The following MIS18BP1 variants were observed in gnomAD, a reference collection of about 807,000 sequenced individuals.
MIS18BP1 encodes MIS18 binding protein 1.
A neutral mutation model predicts 116.1 loss-of-function variants in MIS18BP1; 72 were observed. That is an observed-to-expected ratio of 0.62 (90% CI 0.51 to 0.75). The LOEUF (loss-of-function observed/expected upper bound fraction) is 0.75. Among genes scored for constraint, MIS18BP1 ranks in the 30% least tolerant of loss-of-function variants. MIS18BP1 has a pLI of 0.00. For missense variants in MIS18BP1, 1,363 were observed against 1,303.2 expected (o/e 1.05, Z -0.71); for synonymous variants, 386 against 427.0 (o/e 0.90, Z 1.18).
intron 3 of MIS18BP1, 105 bp from the exon 4 acceptor site, chr14:45,242,623 C>T: frequency 6.8e-7 from 1 of 1,472,978 alleles, no homozygotes; most frequent in Non-Finnish European, 9.0e-7. Flanking sequence ...CCTGCCCAGT[C>T]TTTCTCTGAG....
At chr14:45,220,443 G>A (rs1310002717) in intron 11 of MIS18BP1, among the ~76,000 whole-genome samples, 1 of 152,126 alleles carries the variant, frequency 6.6e-6, no homozygotes, top group Non-Finnish European at 1.5e-5. Context: ...CCTAGGGGGA[G>A]GTGATTGGTT....
intron 16 of MIS18BP1, 68 bp from the exon 17 acceptor site, chr14:45,204,280 C>G (rs1423573477): frequency 5.2e-6 from 8 of 1,539,336 alleles, no homozygotes; most frequent in Non-Finnish European, 7.0e-6. Context: ...CTGAAAACAA[C>G]TATAAGGAAT....
chr14:45,212,811 G>A (rs997849546), intron 13 of MIS18BP1, among the ~76,000 whole-genome samples: 1 of 152,170 alleles, frequency 6.6e-6, no homozygotes, highest in Non-Finnish European at 1.5e-5. Flanking sequence ...CATGCAGACA[G>A]CCCGCCCCAA....
At chr14:45,225,323 C>T (rs1196646563) in intron 10 of MIS18BP1, among the ~76,000 whole-genome samples, 1 of 152,050 alleles carries the variant, frequency 6.6e-6, no homozygotes, top group Non-Finnish European at 1.5e-5. Flanking sequence ...TATAATTGCA[C>T]ACTTGTCTTT....
chr14:45,220,431 G>A (rs556469724), intron 11 of MIS18BP1, among the ~76,000 whole-genome samples: 24 of 152,256 alleles, frequency 1.6e-4, no homozygotes, highest in African/African-American at 5.8e-4. Flanking sequence ...TTGGAAGTGG[G>A]GCCTAGGGGG....
In MIS18BP1 at chr14:45,249,803, G is replaced by A. The variant is rs544301881; in HGVS notation, c.-91-2426C>T. On this transcript the variant is annotated intron_variant, in intron 1 of 16. Transcript: ENST00000310806. ...GGAGAATCACTTGAACCTGGGAGGCGGAGGTTGCAGTGAGCTGAGATCGCA... is the reference window on the plus strand; with the variant it reads ...GGAGAATCACTTGAACCTGGGAGGCAGAGGTTGCAGTGAGCTGAGATCGCA... 2.0e-5 allele frequency among the ~76,000 whole-genome samples: 3 copies of A among 152,214 alleles called. No individual in the cohort carries two copies. The South Asian group carries it at 6.2e-4, about 32-fold the overall frequency.
In MIS18BP1 at chr14:45,246,878, A is replaced by G; in HGVS notation, c.409T>C (p.Leu137=). 3 of 1,612,640 alleles carry G rather than the reference A, an allele frequency of 1.9e-6. No homozygotes were observed. Among genetic ancestry groups the G allele is most frequent in the African/African-American group, 2.7e-5 (2 of 74,892 alleles). ...TTATTTCCACTTTTCTGTGGTTCCA[A>G]CAAACTACTGTTTCTTGATGGCTGT... ...QEQPSRNSSL[L]EPQKSGNNET... Residue 137 remains leucine (L), a synonymous_variant, in exon 2 of 17, where the codon TTG becomes CTG. Coordinates refer to ENST00000310806, the MANE Select transcript of MIS18BP1 (RefSeq NM_018353.5).
intron 3 of MIS18BP1, 117 bp from the exon 4 acceptor site, chr14:45,242,635 G>GTC: frequency 6.8e-7 from 1 of 1,460,026 alleles, no homozygotes; most frequent in Non-Finnish European, 9.1e-7. Flanking sequence ...TTCTCTGAGT[G>GTC]TCTCTTTTAC....
intron 11 of MIS18BP1, among the ~76,000 whole-genome samples, chr14:45,222,119 A>G (rs1421106361): frequency 6.6e-6 from 1 of 152,160 alleles, no homozygotes; most frequent in African/African-American, 2.4e-5. Flanking sequence ...TAACCTACCT[A>G]TATCATTATA....
intron 1 of MIS18BP1, among the ~76,000 whole-genome samples, chr14:45,249,276 G>C (rs568348034): frequency 6.6e-6 from 1 of 152,230 alleles, no homozygotes; most frequent in African/African-American, 2.4e-5. Context: ...ATTTTTAGTA[G>C]AGACGGGGTT....
chr14:45,251,765 G>A (rs1891880779), intron 1 of MIS18BP1, among the ~76,000 whole-genome samples: 1 of 152,086 alleles, frequency 6.6e-6, no homozygotes, highest in Non-Finnish European at 1.5e-5. Context: ...GAATACAAAA[G>A]GCCAATAAAC....
At position 45,224,512 on chromosome 14, in the gene MIS18BP1, AT is replaced by A; in HGVS notation, c.2074del (p.Ile692SerfsTer8). On this transcript the variant is annotated frameshift_variant, in exon 11 of 17. Transcript: ENST00000310806. LOFTEE classifies it high-confidence loss of function. The stretch of plus-strand genomic sequence containing the variant: ...TTCTAAAGTCCCCATGGACTTGCTG[AT>A]GGGACTTTTTTTTTGACACTCTGGT... ...VIPECQKKSP[I>X]SKSMGTLENT... The A allele has an allele frequency of 6.2e-7, 1 of 1,611,726 alleles. No individual in the cohort carries two copies. The highest frequency in any genetic ancestry group is 8.5e-7 in the Non-Finnish European group (1 of 1,179,398).
intron 4 of MIS18BP1, among the ~76,000 whole-genome samples, chr14:45,238,352 C>CTTTT (rs1431212178): frequency 6.6e-6 from 1 of 152,074 alleles, no homozygotes; most frequent in Non-Finnish European, 1.5e-5. Context: ...GATTGAACTA[C>CTTTT]TTCTGATGAG....
chr14:45,209,283 A>G (rs374844351), intron 14 of MIS18BP1, among the ~76,000 whole-genome samples: 1 of 152,098 alleles, frequency 6.6e-6, no homozygotes, highest in Non-Finnish European at 1.5e-5. Flanking sequence ...TTCATTTAAT[A>G]TATCTTAGGC....
intron 14 of MIS18BP1, among the ~76,000 whole-genome samples, chr14:45,207,888 A>G (rs1890563387): frequency 6.6e-6 from 1 of 152,216 alleles, no homozygotes; most frequent in Non-Finnish European, 1.5e-5. Flanking sequence ...ATAGATTCAT[A>G]ACATAAGTGA....
chr14:45,249,534 T>C (rs1891812438), intron 1 of MIS18BP1, among the ~76,000 whole-genome samples: 1 of 152,118 alleles, frequency 6.6e-6, no homozygotes, highest in East Asian at 1.9e-4. Context: ...GCTGTTCATT[T>C]CAAAGAAAGG....
At chr14:45,208,330 G>GTTTTTT (rs1166566812) in intron 14 of MIS18BP1, among the ~76,000 whole-genome samples, 2 of 120,940 alleles carry the variant, frequency 1.7e-5, no homozygotes, top group Non-Finnish European at 1.7e-5. Flanking sequence ...GGATGAAGTT[G>GTTTTTT]TTTTTTTTTT....
Position 45,242,137 on chromosome 14 carries a change from G to C in MIS18BP1, c.1040C>G (p.Pro347Arg), listed in dbSNP as rs34168608. Residue 347 changes from proline (P) to arginine (R), a missense_variant, in exon 4 of 17, where the codon CCA (proline) becomes CGA (arginine). Transcript: ENST00000310806. ...CCGAGGTATTGTTATATGAAGTCTT[G>C]GTGTTGCAAGTACAATTTTACATGT... ...KDTCKIVLATPRLHITIPRRS... is the reference protein window; with the variant it reads ...KDTCKIVLATRRLHITIPRRS... The C allele has an allele frequency of 0.011, 17,264 of 1,613,898 alleles. 118 individuals are homozygous for C. Among genetic ancestry groups the C allele is most frequent in the Middle Eastern group, 0.015 (89 of 6,058 alleles).
In MIS18BP1 at chr14:45,246,769, A is replaced by C. The variant is rs746640929; in HGVS notation, c.518T>G (p.Phe173Cys). 1 of 1,573,914 alleles carries C rather than the reference A, an allele frequency of 6.4e-7. No homozygotes were observed. The highest frequency in any genetic ancestry group is 1.2e-5 in the South Asian group (1 of 83,338). ...TCTTAGTGAACTGTCATCTGACTGG[A>C]ATGATTTGTTGTTTTCCTTTTCTTC... is the stretch of plus-strand genomic sequence containing the variant. ...LCEEKENNKSFQSDDSSLRAS... is the reference protein window; with the variant it reads ...LCEEKENNKSCQSDDSSLRAS... Residue 173 changes from phenylalanine (F) to cysteine (C), a missense_variant, in exon 2 of 17, where the codon TTC becomes TGC. By Grantham distance (205) the Phe-to-Cys change is radical. Coordinates refer to ENST00000310806, the MANE Select transcript of MIS18BP1 (RefSeq NM_018353.5).
Sources: allele counts gnomAD v4.1 joint callset (sites outside exome capture counted in the v4.1 genomes callset), GRCh38; gene constraint gnomAD v4.1.1; transcripts MANE v1.5; gene names NCBI Gene and HGNC (gene_info 2026-07-23, HGNC 2026-07-21).